The following NRXN1 variants were observed in gnomAD, a reference collection of about 807,000 sequenced individuals.
NRXN1 encodes the protein neurexin 1, also known as neurexin-1.
A neutral mutation model predicts 150.9 loss-of-function variants in NRXN1; 39 were observed. That is an observed-to-expected ratio of 0.26 (90% CI 0.20 to 0.34). NRXN1 has a LOEUF of 0.34. NRXN1 is among the 10% of genes least tolerant of loss of function. The pLI, the probability that NRXN1 is intolerant of heterozygous loss-of-function variation, is 1.00. For synonymous variants in NRXN1, 924 were observed against 757.0 expected (o/e 1.22, Z -3.62); for missense variants, 1,815 against 1,949.9 (o/e 0.93, Z 1.30).
chr2:50,651,304 G>C (rs1019173765), intron 5 of NRXN1, among the ~76,000 whole-genome samples: 2 of 151,840 alleles, frequency 1.3e-5, no homozygotes, highest in African/African-American at 4.8e-5. Flanking sequence ...ATTTTCTAAA[G>C]AAAAAGTATC....
At chr2:50,477,498 G>C (rs151304159) in intron 15 of NRXN1, among the ~76,000 whole-genome samples, 1 of 152,070 alleles carries the variant, frequency 6.6e-6, no homozygotes, top group Non-Finnish European at 1.5e-5. Flanking sequence ...CAAATGACGC[G>C]GTAGAGATTT....
intron 17 of NRXN1, among the ~76,000 whole-genome samples, chr2:50,252,560 A>G (rs984606636): frequency 2.6e-5 from 4 of 152,076 alleles, no homozygotes; most frequent in African/African-American, 9.7e-5. Context: ...CGTCCAGCAC[A>G]TTTATATCTT....
At chr2:50,074,171 CA>C (rs1420042402) in intron 19 of NRXN1, among the ~76,000 whole-genome samples, 1 of 152,056 alleles carries the variant, frequency 6.6e-6, no homozygotes, top group Non-Finnish European at 1.5e-5. Flanking sequence ...AGTATATTAT[CA>C]AGAGTACATC....
At chr2:50,410,424 T>C (rs1572868130) in intron 17 of NRXN1, among the ~76,000 whole-genome samples, 1 of 152,200 alleles carries the variant, frequency 6.6e-6, no homozygotes, top group East Asian at 1.9e-4. Flanking sequence ...CTCTCAGAAG[T>C]ATGCAGGATG....
intron 17 of NRXN1, among the ~76,000 whole-genome samples, chr2:50,308,167 T>C (rs2074815690): frequency 6.6e-6 from 1 of 152,156 alleles, no homozygotes; most frequent in South Asian, 2.1e-4. Flanking sequence ...CAATATAATA[T>C]CATTAACTTT....
intron 5 of NRXN1, among the ~76,000 whole-genome samples, chr2:50,855,361 T>C (rs1004227446): frequency 1.3e-5 from 2 of 151,986 alleles, no homozygotes; most frequent in Non-Finnish European, 2.9e-5. Flanking sequence ...CTTAATTTTA[T>C]CAAAAAGAAA....
intron 5 of NRXN1, among the ~76,000 whole-genome samples, chr2:50,717,639 T>C (rs929765816): frequency 6.6e-6 from 1 of 152,204 alleles, no homozygotes; most frequent in Non-Finnish European, 1.5e-5. Flanking sequence ...TGAGCTGCTA[T>C]AACAAAAGTA....
Position 50,424,081 on chromosome 2 carries a change from G to C in NRXN1, c.3364+41361C>G, listed in dbSNP as rs568133031. On this transcript the variant is annotated intron_variant, in intron 17 of 22. Transcript: ENST00000401669. ...CCACAGTGGGAGGTTCTGAGCAAGA[G>C]AGCACCATGATTCTTTACCTTACAT... Among the ~76,000 whole-genome samples, 74 of 147,590 alleles carry C rather than the reference G, an allele frequency of 5.0e-4. 1 individual carries two copies. The highest frequency in any genetic ancestry group is 1.7e-3 in the African/African-American group (67 of 40,386).
chr2:50,931,284 T>A (rs915756712), intron 2 of NRXN1, among the ~76,000 whole-genome samples: 1 of 152,122 alleles, frequency 6.6e-6, no homozygotes, highest in African/African-American at 2.4e-5. Context: ...TACTCTTAAC[T>A]TTATTATTCT....
intron 2 of NRXN1, among the ~76,000 whole-genome samples, chr2:50,974,847 TTAAA>T (rs1695575868): frequency 6.6e-6 from 1 of 152,228 alleles, no homozygotes; most frequent in Admixed American, 6.6e-5. Flanking sequence ...CGACTCATAA[TTAAA>T]TTTCATTTAA....
At chr2:50,544,296 T>C (rs2105296513) in intron 9 of NRXN1, among the ~76,000 whole-genome samples, 1 of 152,144 alleles carries the variant, frequency 6.6e-6, no homozygotes, top group South Asian at 2.1e-4. Flanking sequence ...TATATAATTA[T>C]CATAAAATAA....
intron 21 of NRXN1, among the ~76,000 whole-genome samples, chr2:49,996,148 A>G (rs1682956039): frequency 6.6e-6 from 1 of 152,140 alleles, no homozygotes; most frequent in South Asian, 2.1e-4. Flanking sequence ...TATTAAAATT[A>G]TTTGTGTGTG....
chr2:50,781,678 T>C (rs1704370771), intron 5 of NRXN1, among the ~76,000 whole-genome samples: 1 of 152,262 alleles, frequency 6.6e-6, no homozygotes, highest in African/African-American at 2.4e-5. Flanking sequence ...TTTCACTTTA[T>C]AAAGCAATTC....
Position 50,819,946 on chromosome 2 carries a change from G to C in NRXN1, c.832+101923C>G, listed in dbSNP as rs912992391. On this transcript the variant is annotated intron_variant, in intron 5 of 22. Transcript: ENST00000401669. Reference sequence around the variant, plus strand: ...GTATCACCCTGACTTGTCCTGGTACGCACCAGCACCACTCTGCTCACTTGT... The same window carrying C: ...GTATCACCCTGACTTGTCCTGGTACCCACCAGCACCACTCTGCTCACTTGT... Among the ~76,000 whole-genome samples, 4 of 151,966 alleles carry C rather than the reference G, an allele frequency of 2.6e-5. No individual in the cohort carries two copies. The South Asian group carries it at 8.3e-4, about 31-fold the overall frequency.
intron 21 of NRXN1, among the ~76,000 whole-genome samples, chr2:50,017,628 T>C (rs1686867512): frequency 6.6e-6 from 1 of 151,630 alleles, no homozygotes; most frequent in Non-Finnish European, 1.5e-5. Context: ...GGAGCTGTTT[T>C]TCTTGCAAAA....
At chr2:50,928,559 C>T (rs1223118410) in intron 2 of NRXN1, among the ~76,000 whole-genome samples, 2 of 151,838 alleles carry the variant, frequency 1.3e-5, no homozygotes, top group African/African-American at 2.4e-5. Context: ...TATTTCTGTA[C>T]TAAATAATAA....
chr2:50,196,929 G>A (rs1244257918), intron 18 of NRXN1, among the ~76,000 whole-genome samples: 1 of 152,086 alleles, frequency 6.6e-6, no homozygotes, highest in East Asian at 1.9e-4. Flanking sequence ...TGGGAGGAAG[G>A]AGTGGAGAAA....
intron 5 of NRXN1, among the ~76,000 whole-genome samples, chr2:50,909,031 G>C (rs909935295): frequency 2.0e-5 from 3 of 151,948 alleles, no homozygotes; most frequent in African/African-American, 7.2e-5. Flanking sequence ...AATAAAGATG[G>C]GGTGGAGAAA....
Position 50,997,737 on chromosome 2 carries a change from GGCCTTAA to G in NRXN1, c.772+29758_772+29764del, listed in dbSNP as rs1423457067. ...GTTGCCCAGCTGGTCTGGAACTCTG[GGCCTTAA>G]GCAATCCTCCCGCCTCCACTTCCCA... On this transcript the variant is annotated intron_variant, in intron 2 of 22. Coordinates refer to ENST00000401669, the MANE Select transcript of NRXN1 (RefSeq NM_001330078.2). Among the ~76,000 whole-genome samples the G allele has an allele frequency of 8.4e-4, 118 of 140,880 alleles. 29 individuals are homozygous for G. The highest frequency in any genetic ancestry group is 3.4e-3 in the African/African-American group (115 of 33,346). 92.4% of individuals were successfully genotyped at this position (140,880 alleles called of 152,430 possible). A position where few individuals can be genotyped will look rare whatever the true frequency, so the allele number is the denominator to read the frequency against.
Sources: allele counts gnomAD v4.1 joint callset (sites outside exome capture counted in the v4.1 genomes callset), GRCh38; gene constraint gnomAD v4.1.1; transcripts MANE v1.5; gene names NCBI Gene and HGNC (gene_info 2026-07-23, HGNC 2026-07-21).